The following FBXL17 variants were observed in gnomAD, a reference collection of about 807,000 sequenced individuals.
FBXL17 encodes the protein F-box/LRR-repeat protein 17.
FBXL17 carries 22 observed loss-of-function variants against 66.2 expected under a neutral mutation model. The ratio of observed to expected loss-of-function variants is 0.33; its 90% CI spans 0.24 to 0.47. The LOEUF (loss-of-function observed/expected upper bound fraction) is 0.47, where lower values mean the gene tolerates loss of function less well. Among genes scored for constraint, FBXL17 ranks in the 20% least tolerant of loss-of-function variants. The pLI, the probability that FBXL17 is intolerant of heterozygous loss-of-function variation, is 1.00. For missense variants in FBXL17, 878 were observed against 948.2 expected (o/e 0.93, Z 0.97); for synonymous variants, 474 against 400.5 (o/e 1.18, Z -2.19).
At chr5:108,289,247 TTTTTCTCCAC>T (rs751149318) in intron 4 of FBXL17, among the ~76,000 whole-genome samples, 1 of 152,192 alleles carries the variant, frequency 6.6e-6, no homozygotes, top group African/African-American at 2.4e-5. Context: ...ATTAATTTTC[TTTTTCTCCAC>T]TTTTCAACTT....
At chr5:108,330,996 T>C (rs1760096481) in intron 4 of FBXL17, among the ~76,000 whole-genome samples, 1 of 152,044 alleles carries the variant, frequency 6.6e-6, no homozygotes. Flanking sequence ...GAGGCTGCAA[T>C]GAGCCGAGAC....
At chr5:107,886,410 G>A (rs2112509704) in intron 7 of FBXL17, among the ~76,000 whole-genome samples, 2 of 152,160 alleles carry the variant, frequency 1.3e-5, no homozygotes, top group Admixed American at 1.3e-4. Flanking sequence ...GAGGGCAACG[G>A]CACCCTAGCA....
At chr5:108,031,948 G>A (rs1052451311) in intron 6 of FBXL17, among the ~76,000 whole-genome samples, 2 of 152,160 alleles carry the variant, frequency 1.3e-5, no homozygotes, top group South Asian at 2.1e-4. Context: ...TACCTCCAAG[G>A]ATTTTGTGAA....
intron 4 of FBXL17, among the ~76,000 whole-genome samples, chr5:108,337,820 G>A (rs1348588541): frequency 6.6e-6 from 1 of 151,846 alleles, no homozygotes; most frequent in Non-Finnish European, 1.5e-5. Flanking sequence ...AGCACTCCTG[G>A]ACTGTAGATA....
At chr5:108,159,697 A>G (rs1313438579) in intron 6 of FBXL17, among the ~76,000 whole-genome samples, 1 of 152,214 alleles carries the variant, frequency 6.6e-6, no homozygotes, top group African/African-American at 2.4e-5. Context: ...CTGTTATAGC[A>G]ACCTGAATAG....
chr5:108,168,848 C>T (rs1447722139), intron 6 of FBXL17, among the ~76,000 whole-genome samples: 3 of 152,018 alleles, frequency 2.0e-5, no homozygotes, highest in African/African-American at 4.8e-5. Context: ...TAGTGTACAA[C>T]TAAGAGTGGC....
chr5:108,325,318 T>A (rs1759799699), intron 4 of FBXL17, among the ~76,000 whole-genome samples: 1 of 152,138 alleles, frequency 6.6e-6, no homozygotes, highest in Admixed American at 6.6e-5. Context: ...CAAGAAGTAT[T>A]ATCTTTGTAT....
chr5:108,194,784 C>T (rs1029269717), intron 5 of FBXL17, among the ~76,000 whole-genome samples: 3 of 152,032 alleles, frequency 2.0e-5, no homozygotes, highest in Non-Finnish European at 2.9e-5. Flanking sequence ...GGATAACCAG[C>T]GAACATAAAA....
chr5:107,966,727 A>G (rs1752155346), intron 7 of FBXL17, among the ~76,000 whole-genome samples: 1 of 152,098 alleles, frequency 6.6e-6, no homozygotes, highest in African/African-American at 2.4e-5. Flanking sequence ...TTAAGTGCAC[A>G]ATTCAGTGGC....
intron 7 of FBXL17, among the ~76,000 whole-genome samples, chr5:108,000,168 G>A (rs1753662607): frequency 6.6e-6 from 1 of 152,132 alleles, no homozygotes; most frequent in African/African-American, 2.4e-5. Flanking sequence ...AATGAAAGCT[G>A]TATTGTTTTT....
intron 7 of FBXL17, among the ~76,000 whole-genome samples, chr5:107,901,601 A>G (rs1173471453): frequency 6.6e-6 from 1 of 152,200 alleles, no homozygotes; most frequent in Non-Finnish European, 1.5e-5. Flanking sequence ...TTGTTTGCAC[A>G]TAACACACAG....
At chr5:107,871,080 C>CAAAAAAAAAA (rs1748441146) in intron 8 of FBXL17, among the ~76,000 whole-genome samples, 1 of 50,278 alleles carries the variant, frequency 2.0e-5, no homozygotes, top group Non-Finnish European at 4.3e-5. Context: ...AAAAAAAAAA[C>CAAAAAAAAAA]CTCATCTAAA....
intron 7 of FBXL17, among the ~76,000 whole-genome samples, chr5:107,884,085 G>A (rs556030831): frequency 1.3e-5 from 2 of 152,268 alleles, no homozygotes; most frequent in East Asian, 3.9e-4. Flanking sequence ...AGGTATAAGA[G>A]ACACAGAGTA....
At chr5:108,052,112 C>CAAAA (rs144705189) in intron 6 of FBXL17, among the ~76,000 whole-genome samples, 5 of 102,176 alleles carry the variant, frequency 4.9e-5, no homozygotes, top group African/African-American at 1.1e-4. Flanking sequence ...GACTTCGTCT[C>CAAAA]AAAAAAAAAA....
At chr5:108,285,366 C>G (rs904745844) in intron 4 of FBXL17, among the ~76,000 whole-genome samples, 2 of 151,798 alleles carry the variant, frequency 1.3e-5, no homozygotes, top group African/African-American at 4.8e-5. Context: ...GAATCCTTTC[C>G]AGGTTTTCAA....
chr5:108,310,124 G>C (rs927581937), intron 4 of FBXL17, among the ~76,000 whole-genome samples: 7 of 151,986 alleles, frequency 4.6e-5, no homozygotes, highest in Non-Finnish European at 1.0e-4. Flanking sequence ...GGTAATTCAG[G>C]TCTTCCTAAG....
At chr5:108,319,880 G>A (rs969874097) in intron 4 of FBXL17, among the ~76,000 whole-genome samples, 16 of 151,832 alleles carry the variant, frequency 1.1e-4, no homozygotes, top group South Asian at 4.2e-4. Flanking sequence ...TGAGAAGTGT[G>A]CAGTGAAAAA....
chr5:108,262,943 G>T (rs1756899017), intron 4 of FBXL17, among the ~76,000 whole-genome samples: 1 of 152,030 alleles, frequency 6.6e-6, no homozygotes, highest in Non-Finnish European at 1.5e-5. Flanking sequence ...GTTGGTAAAG[G>T]TTATACAAGG....
At chr5:108,089,098 G>T (rs1203173844) in intron 6 of FBXL17, among the ~76,000 whole-genome samples, 1 of 152,092 alleles carries the variant, frequency 6.6e-6, no homozygotes, top group Non-Finnish European at 1.5e-5. Context: ...AAGTTCTGTT[G>T]GCACAGCCTC....
Sources: gnomAD v4.1 joint callset for allele counts (sites outside exome capture counted in the v4.1 genomes callset) on GRCh38, gnomAD v4.1.1 for gene constraint, MANE v1.5 for transcripts, NCBI Gene and HGNC (gene_info 2026-07-23, HGNC 2026-07-21) for gene names.